NWD2: variants seen among roughly 807,000 people sequenced by gnomAD.
NWD2 encodes the protein NACHT and WD repeat domain containing 2, also known as NACHT and WD repeat domain-containing protein 2.
NWD2 carries 37 observed loss-of-function variants against 132.7 expected under a neutral mutation model. The observed-to-expected ratio is 0.28, with a 90% CI of 0.21 to 0.37. The LOEUF (loss-of-function observed/expected upper bound fraction) is 0.37, where lower values mean the gene tolerates loss of function less well. Ranked by LOEUF, NWD2 falls within the 10% of genes least tolerant of loss-of-function variation. NWD2 has a pLI of 1.00. For missense variants in NWD2, 1,592 were observed against 2,122.4 expected, an observed-to-expected ratio of 0.75 and a Z score of 4.91; for synonymous variants, 705 against 803.0, an observed-to-expected ratio of 0.88 and a Z score of 2.06.
At chr4:37,386,186 G>A (rs1239423543) in intron 3 of NWD2, among the ~76,000 whole-genome samples, 1 of 151,978 alleles carries the variant, frequency 6.6e-6, no homozygotes, top group African/African-American at 2.4e-5. Context: ...GATTTCCAGG[G>A]ATTTCTACAG....
intron 3 of NWD2, among the ~76,000 whole-genome samples, chr4:37,399,410 A>G (rs1720861555): frequency 6.6e-6 from 1 of 152,220 alleles, no homozygotes; most frequent in Non-Finnish European, 1.5e-5. Flanking sequence ...GTATTTTTAA[A>G]AGAATTTTTT....
At chr4:37,434,552 T>C (rs1345257807) in intron 5 of NWD2, among the ~76,000 whole-genome samples, 1 of 152,150 alleles carries the variant, frequency 6.6e-6, no homozygotes, top group Non-Finnish European at 1.5e-5. Context: ...AGCACAGTCA[T>C]AGGATAATAG....
chr4:37,307,213 C>T (rs1163675884), intron 1 of NWD2, among the ~76,000 whole-genome samples: 1 of 151,848 alleles, frequency 6.6e-6, no homozygotes, highest in Non-Finnish European at 1.5e-5. Flanking sequence ...ATTTATGTAT[C>T]TGCTCTACCA....
chr4:37,255,165 A>G (rs1429523844), intron 1 of NWD2, among the ~76,000 whole-genome samples: 1 of 152,220 alleles, frequency 6.6e-6, no homozygotes, highest in Non-Finnish European at 1.5e-5. Context: ...AGACTCACAC[A>G]TCTAAGAGGC....
chr4:37,247,989 A>G (rs914388457), intron 1 of NWD2, among the ~76,000 whole-genome samples: 5 of 152,136 alleles, frequency 3.3e-5, no homozygotes, highest in Non-Finnish European at 7.3e-5. Flanking sequence ...TCTATCCTCA[A>G]ACAACCCTCT....
intron 1 of NWD2, among the ~76,000 whole-genome samples, chr4:37,324,221 G>A (rs1354613516): frequency 6.6e-6 from 1 of 152,020 alleles, no homozygotes; most frequent in Non-Finnish European, 1.5e-5. Flanking sequence ...GTGCATTCAA[G>A]TCTCAGCACC....
chr4:37,356,143 G>A (rs562681937), intron 2 of NWD2, among the ~76,000 whole-genome samples: 1 of 152,138 alleles, frequency 6.6e-6, no homozygotes, highest in East Asian at 1.9e-4. Flanking sequence ...TTTTCTCTGG[G>A]CCCATGTCAG....
At chr4:37,277,004 G>A (rs1365738697) in intron 1 of NWD2, among the ~76,000 whole-genome samples, 2 of 151,992 alleles carry the variant, frequency 1.3e-5, no homozygotes, top group Non-Finnish European at 2.9e-5. Flanking sequence ...GGATGGGGGA[G>A]GGATAGTATT....
At chr4:37,364,017 A>G (rs1296237722) in intron 3 of NWD2, among the ~76,000 whole-genome samples, 1 of 151,538 alleles carries the variant, frequency 6.6e-6, no homozygotes, top group Non-Finnish European at 1.5e-5. Context: ...CTGTAATCCC[A>G]GCTACTCGGG....
intron 1 of NWD2, among the ~76,000 whole-genome samples, chr4:37,312,918 G>A (rs1469080961): frequency 1.3e-5 from 2 of 151,074 alleles, no homozygotes; most frequent in South Asian, 2.1e-4. Flanking sequence ...CTGTTTATAT[G>A]CTGGATTACA....
intron 1 of NWD2, among the ~76,000 whole-genome samples, chr4:37,263,322 G>A (rs1321506639): frequency 6.6e-6 from 1 of 152,058 alleles, no homozygotes; most frequent in Admixed American, 6.6e-5. Flanking sequence ...TTAATGCATG[G>A]ACAGAACTGT....
At chr4:37,357,959 C>T (rs1455183491) in intron 3 of NWD2, among the ~76,000 whole-genome samples, 1 of 152,032 alleles carries the variant, frequency 6.6e-6, no homozygotes, top group Non-Finnish European at 1.5e-5. Flanking sequence ...CAGGAAACAG[C>T]AAGCAGGCCT....
intron 3 of NWD2, among the ~76,000 whole-genome samples, chr4:37,417,221 A>T (rs573431762): frequency 1.3e-5 from 2 of 152,174 alleles, no homozygotes; most frequent in South Asian, 4.1e-4. Flanking sequence ...AGCAAAAAAG[A>T]CATTGGGAGA....
At chr4:37,382,611 G>C (rs11934429) in intron 3 of NWD2, among the ~76,000 whole-genome samples, 2,161 of 152,226 alleles carry the variant, frequency 0.014, 50 homozygotes, top group African/African-American at 0.05. Flanking sequence ...CAATGCTGCA[G>C]TGAGGAATGA....
At chr4:37,353,571 T>C (rs530712745) in intron 2 of NWD2, among the ~76,000 whole-genome samples, 1 of 152,204 alleles carries the variant, frequency 6.6e-6, no homozygotes, top group South Asian at 2.1e-4. Flanking sequence ...TAATCTTGTC[T>C]TCATGCTTTA....
At chr4:37,313,868 G>A (rs779425471) in intron 1 of NWD2, among the ~76,000 whole-genome samples, 1 of 150,646 alleles carries the variant, frequency 6.6e-6, no homozygotes, top group Non-Finnish European at 1.5e-5. Flanking sequence ...CCTCCTAATT[G>A]TTGTATTTTA....
chr4:37,267,348 G>C (rs1717774672), intron 1 of NWD2, among the ~76,000 whole-genome samples: 1 of 151,926 alleles, frequency 6.6e-6, no homozygotes, highest in Admixed American at 6.6e-5. Context: ...AGATGTTACT[G>C]CTTCAAAGAG....
chr4:37,435,056 C>T (rs1235108511), intron 5 of NWD2, among the ~76,000 whole-genome samples: 3 of 152,184 alleles, frequency 2.0e-5, no homozygotes, highest in Admixed American at 6.5e-5. Context: ...TACAGAGGCT[C>T]ACCTGTTGGC....
intron 2 of NWD2, among the ~76,000 whole-genome samples, chr4:37,352,248 T>C (rs931294779): frequency 1.9e-4 from 29 of 152,220 alleles, no homozygotes; most frequent in African/African-American, 6.8e-4. Flanking sequence ...ATTTTCTGTC[T>C]TGTTCATCTG....
Sources: gnomAD v4.1 joint callset for allele counts (sites outside exome capture counted in the v4.1 genomes callset) on GRCh38, gnomAD v4.1.1 for gene constraint, MANE v1.5 for transcripts, NCBI Gene and HGNC (gene_info 2026-07-23, HGNC 2026-07-21) for gene names.